SAMD5: variants seen among roughly 807,000 people sequenced by gnomAD.
SAMD5 encodes the protein sterile alpha motif domain containing 5, also known as sterile alpha motif domain-containing protein 5.
A neutral mutation model predicts 11.3 loss-of-function variants in SAMD5; 13 were observed. The observed-to-expected ratio is 1.15, with a 90% CI of 0.75 to 1.83. The LOEUF (loss-of-function observed/expected upper bound fraction) is 1.83, where lower values mean the gene tolerates loss of function less well. Ranked by LOEUF, SAMD5 falls within the 40% of genes most tolerant of loss-of-function variation. The probability of loss-of-function intolerance (pLI) is 0.00; values close to 1 mark genes in which losing one functional copy is unlikely to be tolerated. For missense variants in SAMD5, 255 were observed against 239.1 expected, an observed-to-expected ratio of 1.07 and a Z score of -0.44; for synonymous variants, 129 against 111.3, an observed-to-expected ratio of 1.16 and a Z score of -1.00.
the SAMD5 span, among the ~76,000 whole-genome samples, chr6:147,864,674 T>G: frequency 6.6e-6 from 1 of 152,234 alleles, no homozygotes; most frequent in African/African-American, 2.4e-5. Context: ...TTATTTGTTG[T>G]GGTGTGTGAA....
chr6:147,515,159 A>G (rs1462602868), intron 1 of SAMD5, among the ~76,000 whole-genome samples: 1 of 146,640 alleles, frequency 6.8e-6, no homozygotes, highest in African/African-American at 2.5e-5. Flanking sequence ...AAATACCCTC[A>G]ACCTATATCC....
chr6:147,519,060 C>T (rs1313689650), intron 1 of SAMD5, among the ~76,000 whole-genome samples: 2 of 152,196 alleles, frequency 1.3e-5, no homozygotes, highest in African/African-American at 4.8e-5. Context: ...CTTACTGTTA[C>T]ATTTCCATAA....
intron 1 of SAMD5, among the ~76,000 whole-genome samples, chr6:147,624,782 C>T (rs983506491): frequency 5.9e-5 from 9 of 151,874 alleles, no homozygotes; most frequent in African/African-American, 9.7e-5. Context: ...GTATACTGCT[C>T]AGATGATAGG....
chr6:147,693,735 G>A (rs893133078), intron 1 of SAMD5, among the ~76,000 whole-genome samples: 1 of 152,168 alleles, frequency 6.6e-6, no homozygotes, highest in Non-Finnish European at 1.5e-5. Context: ...GGAGGCCAAG[G>A]TAGGCGGGGG....
At chr6:147,852,980 A>C in the SAMD5 span, among the ~76,000 whole-genome samples, 1 of 152,160 alleles carries the variant, frequency 6.6e-6, no homozygotes, top group African/African-American at 2.4e-5. Flanking sequence ...TCTTTTCTAC[A>C]TTAGAAGAGG....
chr6:147,666,538 T>A (rs2128455022), intron 1 of SAMD5, among the ~76,000 whole-genome samples: 1 of 152,258 alleles, frequency 6.6e-6, no homozygotes, highest in African/African-American at 2.4e-5. Context: ...CTTAAACTAC[T>A]TTAGAAAGCA....
chr6:147,737,326 T>C (rs1321010896), exon 2 of SAMD5: 2 of 1,249,322 alleles, frequency 1.6e-6, no homozygotes, highest in Non-Finnish European at 2.1e-6. Flanking sequence ...GGTATTATTA[T>C]GCCGCTACCT....
At chr6:147,578,280 T>C (rs1437951404) in intron 1 of SAMD5, among the ~76,000 whole-genome samples, 3 of 152,178 alleles carry the variant, frequency 2.0e-5, no homozygotes, top group African/African-American at 4.8e-5. Flanking sequence ...GTTAGTAGAA[T>C]GTTCTGTTTC....
At chr6:147,835,420 A>G in the SAMD5 span, among the ~76,000 whole-genome samples, 5 of 152,126 alleles carry the variant, frequency 3.3e-5, no homozygotes, top group Admixed American at 1.3e-4. Context: ...CATTTAAACA[A>G]TTACGGAGGA....
chr6:147,798,367 G>A, the SAMD5 span, among the ~76,000 whole-genome samples: 1 of 150,428 alleles, frequency 6.6e-6, no homozygotes, highest in Admixed American at 6.6e-5. Flanking sequence ...TTTCCATGTA[G>A]TTGAGCGGTT....
chr6:147,508,871 C>T lies in SAMD5; in HGVS notation c.-58C>T, dbSNP rs555062315. The stretch of plus-strand genomic sequence containing the variant: ...GGATTAAAAGTTCCAAGAACTGGTG[C>T]CGCCCGTGCCATTTGGGCGCTGGGA... On this transcript the variant is annotated 5_prime_UTR_variant, in exon 1 of 2. Transcript: ENST00000367474. 3.1e-3 allele frequency: 4,883 copies of T among 1,567,264 alleles called. 8 individuals carry two copies. The highest frequency in any genetic ancestry group is 3.7e-3 in the Non-Finnish European group (4,304 of 1,159,240).
the SAMD5 span, among the ~76,000 whole-genome samples, chr6:147,950,172 C>T: frequency 6.6e-6 from 1 of 152,168 alleles, no homozygotes; most frequent in Non-Finnish European, 1.5e-5. Flanking sequence ...GTTTATTTTT[C>T]TATGACTAAT....
At chr6:147,593,901 GCAGATCACCTGAGGT>G (rs1789491760) in intron 1 of SAMD5, among the ~76,000 whole-genome samples, 1 of 152,136 alleles carries the variant, frequency 6.6e-6, no homozygotes, top group African/African-American at 2.4e-5. Flanking sequence ...GCCAAGGTGG[GCAGATCACCTGAGGT>G]CAGGAGTTTG....
At chr6:147,701,154 G>T (rs1202179952) in intron 1 of SAMD5, among the ~76,000 whole-genome samples, 1 of 151,962 alleles carries the variant, frequency 6.6e-6, no homozygotes, top group Non-Finnish European at 1.5e-5. Context: ...TTATTTGAGG[G>T]GTTCTGGACA....
the SAMD5 span, among the ~76,000 whole-genome samples, chr6:147,817,586 C>A: frequency 6.6e-6 from 1 of 152,200 alleles, no homozygotes; most frequent in Non-Finnish European, 1.5e-5. Context: ...AAGACAGACG[C>A]TTCGCTTTAT....
intron 1 of SAMD5, among the ~76,000 whole-genome samples, chr6:147,537,623 G>C (rs1308973007): frequency 6.6e-6 from 1 of 151,918 alleles, no homozygotes; most frequent in South Asian, 2.1e-4. Flanking sequence ...GCGTGGTGGC[G>C]GGCACCTGTA....
chr6:147,761,185 A>G, the SAMD5 span, among the ~76,000 whole-genome samples: 3 of 152,110 alleles, frequency 2.0e-5, no homozygotes, highest in Non-Finnish European at 4.4e-5. Flanking sequence ...TTTTGACTCA[A>G]ACTTTTAACT....
intron 1 of SAMD5, among the ~76,000 whole-genome samples, chr6:147,538,796 A>G (rs1394653585): frequency 6.6e-6 from 1 of 152,214 alleles, no homozygotes; most frequent in Non-Finnish European, 1.5e-5. Context: ...TATTTTACTA[A>G]TAATTTTTAA....
intron 1 of SAMD5, among the ~76,000 whole-genome samples, chr6:147,636,040 A>G: frequency 6.6e-6 from 1 of 152,200 alleles, no homozygotes; most frequent in East Asian, 1.9e-4. Flanking sequence ...TTGATTCTGT[A>G]CCATGTGCCA....
Sources: gnomAD v4.1 joint callset for allele counts (sites outside exome capture counted in the v4.1 genomes callset) on GRCh38, gnomAD v4.1.1 for gene constraint, MANE v1.5 for transcripts, NCBI Gene and HGNC (gene_info 2026-07-23, HGNC 2026-07-21) for gene names.